NHS: variants seen among roughly 807,000 people sequenced by gnomAD.
NHS encodes NHS actin remodeling regulator.
In NHS, 5 loss-of-function variants were observed where a neutral mutation model predicts 72.5. That is an observed-to-expected ratio of 0.07 (90% CI 0.04 to 0.14). The LOEUF is 0.14. NHS is among the 10% of genes least tolerant of loss of function. NHS has a pLI of 1.00. For synonymous variants in NHS, 464 were observed against 547.7 expected (o/e 0.85, Z 2.13); for missense variants, 1,072 against 1,355.7 (o/e 0.79, Z 3.29).
intron 1 of NHS, among the ~76,000 whole-genome samples, chrX:17,582,410 G>C (rs1171539201): frequency 8.9e-6 from 1 of 112,117 alleles, no homozygotes; most frequent in African/African-American, 3.2e-5. Context: ...AACACCATAG[G>C]GGGTAAAAGC....
intron 3 of NHS, among the ~76,000 whole-genome samples, chrX:17,703,660 T>C (rs1436621441): frequency 8.9e-6 from 1 of 112,632 alleles, no homozygotes; most frequent in African/African-American, 3.2e-5. Flanking sequence ...TAGATCTCCA[T>C]TAGGAGCTGA....
intron 3 of NHS, chrX:17,705,434 T>G (rs1414375412): frequency 2.7e-5 from 3 of 112,848 alleles, no homozygotes; most frequent in Non-Finnish European, 5.6e-5. Context: ...GCCTCCTGGA[T>G]GGTTCTGTCT....
At chrX:17,483,778 C>T (rs2064956565) in intron 1 of NHS, among the ~76,000 whole-genome samples, 1 of 110,493 alleles carries the variant, frequency 9.1e-6, no homozygotes, top group Non-Finnish European at 1.9e-5. Flanking sequence ...GCCTTGAACT[C>T]CTGAGCCACA....
At chrX:17,504,730 G>A (rs774176886) in intron 1 of NHS, among the ~76,000 whole-genome samples, 4 of 112,082 alleles carry the variant, frequency 3.6e-5, no homozygotes, top group Admixed American at 9.5e-5. Flanking sequence ...ATGTGGCAAC[G>A]CAGTGTTTCC....
chrX:17,463,184 A>G (rs1439962424), intron 1 of NHS, among the ~76,000 whole-genome samples: 2 of 112,204 alleles, frequency 1.8e-5, no homozygotes, highest in African/African-American at 6.5e-5. Context: ...ACAGCTTATA[A>G]GCTCATTACC....
intron 1 of NHS, among the ~76,000 whole-genome samples, chrX:17,557,816 G>T (rs1447424908): frequency 8.9e-6 from 1 of 111,935 alleles, no homozygotes; most frequent in Admixed American, 9.5e-5. Flanking sequence ...GGATTCTCAT[G>T]GGCCATTGGA....
intron 1 of NHS, among the ~76,000 whole-genome samples, chrX:17,602,626 G>A (rs2065656351): frequency 9.0e-6 from 1 of 110,967 alleles, no homozygotes; most frequent in African/African-American, 3.3e-5. Flanking sequence ...ACAGTATGGA[G>A]TAGCCTAGCA....
chrX:17,534,096 T>TTGTGTGTGTGTG (rs59352413), intron 1 of NHS, among the ~76,000 whole-genome samples: 101 of 104,937 alleles, frequency 9.6e-4, no homozygotes, highest in African/African-American at 3.3e-3. Flanking sequence ...TGAAAGGTCA[T>TTGTGTGTGTGTG]TGTGTGTGTG....
At chrX:17,699,446 G>T (rs1443733103) in intron 3 of NHS, among the ~76,000 whole-genome samples, 1 of 112,051 alleles carries the variant, frequency 8.9e-6, no homozygotes, top group Non-Finnish European at 1.9e-5. Flanking sequence ...AATAACTGAG[G>T]CAAGAGATGG....
intron 3 of NHS, among the ~76,000 whole-genome samples, chrX:17,716,470 G>T (rs1035450197): frequency 9.0e-6 from 1 of 111,291 alleles, no homozygotes; most frequent in African/African-American, 3.3e-5. Context: ...TACTTAACAT[G>T]AGTTTTCTCT....
chrX:17,464,720 C>T (rs1183126069), intron 1 of NHS, among the ~76,000 whole-genome samples: 1 of 112,622 alleles, frequency 8.9e-6, no homozygotes, highest in Non-Finnish European at 1.9e-5. Flanking sequence ...AAATAGCCCA[C>T]CATTGTGCTC....
chrX:17,729,342 T>A (rs2066471999), intron 8 of NHS, among the ~76,000 whole-genome samples: 1 of 112,379 alleles, frequency 8.9e-6, no homozygotes, highest in African/African-American at 3.2e-5. Flanking sequence ...CAATTATTTG[T>A]CAGCTTAAAA....
At position 17,687,716 on chromosome X, in the gene NHS, A is replaced by T. The variant is rs1361105534; in HGVS notation, c.566-26A>T. On this transcript the variant is annotated intron_variant, in intron 1 of 8. Transcript: ENST00000676302. ...AAGCACAACTTAAAGCCACTGATGGACAACGCCCTGTTTCTTGTCTTGCAG... is the reference window on the plus strand; with the variant it reads ...AAGCACAACTTAAAGCCACTGATGGTCAACGCCCTGTTTCTTGTCTTGCAG... The T allele has an allele frequency of 3.6e-6, 4 of 1,112,574 alleles. No homozygotes were observed. In the African/African-American group the frequency reaches 1.0e-4, roughly 28 times the overall value. 91.7% of individuals were successfully genotyped at this position (1,112,574 alleles called of 1,213,427 possible). A position where few individuals can be genotyped will look rare whatever the true frequency, so the allele number is the denominator to read the frequency against.
intron 1 of NHS, among the ~76,000 whole-genome samples, chrX:17,500,570 C>A (rs2065032484): frequency 8.9e-6 from 1 of 111,808 alleles, no homozygotes; most frequent in Admixed American, 9.5e-5. Context: ...ATTGGAACTT[C>A]CACTCTGATC....
At chrX:17,449,055 C>T (rs1426765220) in intron 1 of NHS, among the ~76,000 whole-genome samples, 1 of 112,676 alleles carries the variant, frequency 8.9e-6, no homozygotes, top group East Asian at 2.8e-4. Flanking sequence ...AGAAATTTAC[C>T]TGAGGTCACA....
chrX:17,540,672 G>T (rs1216277124), intron 1 of NHS, among the ~76,000 whole-genome samples: 1 of 112,156 alleles, frequency 8.9e-6, no homozygotes, highest in Non-Finnish European at 1.9e-5. Flanking sequence ...TGAAGAACTT[G>T]GGAAAATTAA....
chrX:17,558,065 G>A (rs765989717), intron 1 of NHS, among the ~76,000 whole-genome samples: 1 of 112,422 alleles, frequency 8.9e-6, no homozygotes, highest in African/African-American at 3.2e-5. Flanking sequence ...CTCAAGTGGA[G>A]GGATTTACAC....
At chrX:17,442,003 T>G (rs1383869291) in intron 1 of NHS, among the ~76,000 whole-genome samples, 2 of 111,991 alleles carry the variant, frequency 1.8e-5, no homozygotes, top group Non-Finnish European at 3.8e-5. Context: ...AGTTTCTGAT[T>G]TAGTAGGTCT....
At chrX:17,655,368 G>A (rs2065948405) in intron 1 of NHS, among the ~76,000 whole-genome samples, 1 of 111,978 alleles carries the variant, frequency 8.9e-6, no homozygotes, top group African/African-American at 3.2e-5. Flanking sequence ...CAGCGGTCGC[G>A]CTACGGGAGA....
Sources: gnomAD v4.1 joint callset for allele counts (sites outside exome capture counted in the v4.1 genomes callset) on GRCh38, gnomAD v4.1.1 for gene constraint, MANE v1.5 for transcripts, NCBI Gene and HGNC (gene_info 2026-07-23, HGNC 2026-07-21) for gene names.